MTMR3: variants seen among roughly 807,000 people sequenced by gnomAD.
The protein encoded by MTMR3 is myotubularin related protein 3.
MTMR3 carries 32 observed loss-of-function variants against 132.4 expected under a neutral mutation model. That is an observed-to-expected ratio of 0.24 (90% CI 0.18 to 0.32). The LOEUF (loss-of-function observed/expected upper bound fraction) is 0.32. Among genes scored for constraint, MTMR3 ranks in the 10% least tolerant of loss-of-function variants. MTMR3 has a pLI of 1.00. For synonymous variants in MTMR3, 556 were observed against 550.3 expected, an observed-to-expected ratio of 1.01 and a Z score of -0.14; for missense variants, 1,216 against 1,489.6, an observed-to-expected ratio of 0.82 and a Z score of 3.02.
At chr22:30,010,200 C>T (rs568109866) in intron 12 of MTMR3, 1 of 152,152 alleles carries the variant, frequency 6.6e-6, no homozygotes, top group Admixed American at 6.5e-5. Flanking sequence ...CCCAGGAGAT[C>T]GGCCGCGAAC....
intron 1 of MTMR3, among the ~76,000 whole-genome samples, chr22:29,889,318 C>G (rs1284150272): frequency 7.4e-6 from 1 of 135,594 alleles, no homozygotes; most frequent in Non-Finnish European, 1.5e-5. Flanking sequence ...GATGGCGTCT[C>G]GCTCTGTCAC....
rs541191713 is a variant in MTMR3, at chr22:29,922,878, C to T, written c.-137-34158C>T. On this transcript the variant is annotated intron_variant, in intron 1 of 19. Transcript: ENST00000401950. The stretch of plus-strand genomic sequence containing the variant: ...AATTGTAGTTTTGACTCACATTTCC[C>T]TAGTGACTAGTGTTTTTTTTTTTTT... 3.1e-4 allele frequency among the ~76,000 whole-genome samples: 47 copies of T among 150,834 alleles called. 1 individual carries two copies. The South Asian group carries it at 8.5e-3, about 27-fold the overall frequency.
intron 3 of MTMR3, 22 bp downstream of exon 3, chr22:29,971,084 TA>T (rs545862845): frequency 0.015 from 17,182 of 1,157,800 alleles, 51 homozygotes; most frequent in South Asian, 0.055. Context: ...GAAATAAGAG[TA>T]AAAAAAAAAA....
chr22:30,008,544 C>T lies in MTMR3; in HGVS notation c.1010-474C>T, dbSNP rs2067327263. On this transcript the variant is annotated intron_variant, in intron 11 of 19. Transcript: ENST00000401950. The stretch of plus-strand genomic sequence containing the variant: ...ATGCTAGCTTTCCCCAAGGAGGGAC[C>T]CCCCTCAGTGCCTATGGCACAGGCA... 3.1e-5 allele frequency: 5 copies of T among 161,144 alleles called. No homozygotes were observed. The South Asian group carries it at 8.7e-4, about 28-fold the overall frequency. 10.0% of individuals were successfully genotyped at this position (161,144 alleles called of 1,614,324 possible).
intron 3 of MTMR3, 151 bp from the exon 4 acceptor site, chr22:29,978,289 CTT>C: frequency 1.9e-6 from 1 of 515,044 alleles, no homozygotes; most frequent in East Asian, 3.2e-5. Context: ...GATAGAAAAA[CTT>C]TTTAAGATCA....
chr22:30,012,723 T>C (rs979449763), intron 13 of MTMR3, 160 bp downstream of exon 13: 9 of 683,880 alleles, frequency 1.3e-5, no homozygotes. Flanking sequence ...TGGTGGTTCC[T>C]CCCACAGTTC....
rs753447317 is a variant in MTMR3 at position 30,020,134 on chromosome 22, A to G, written c.2475A>G (p.Ser825=). Residue 825 remains serine (S), a synonymous_variant, in exon 17 of 20, where the codon TCA becomes TCG. Coordinates refer to ENST00000401950, the MANE Select transcript of MTMR3 (RefSeq NM_021090.4). ...AAGTTGGCTATGGTACCTCACAGTCATGTTCTCTGCTACCTTCCCAAGTCC... is the reference window on the plus strand; with the variant it reads ...AAGTTGGCTATGGTACCTCACAGTCGTGTTCTCTGCTACCTTCCCAAGTCC... The part of the protein sequence containing the change: ...DAKVGYGTSQ[S]CSLLPSQVPF... The G allele has an allele frequency of 1.9e-6, 3 of 1,614,128 alleles. No individual in the cohort carries two copies. The highest frequency in any genetic ancestry group is 1.1e-5 in the South Asian group (1 of 91,094).
chr22:30,012,300 A>G (rs1440332484), intron 12 of MTMR3, 68 bp from the exon 13 acceptor site: 2 of 1,504,684 alleles, frequency 1.3e-6, no homozygotes, highest in Admixed American at 2.1e-5. Flanking sequence ...TTCATTTGAC[A>G]ATCATTGAGC....
At chr22:29,918,270 C>T (rs764135369) in intron 1 of MTMR3, among the ~76,000 whole-genome samples, 3 of 152,170 alleles carry the variant, frequency 2.0e-5, no homozygotes, top group Admixed American at 6.5e-5. Context: ...ACTAATATTC[C>T]AGTGTATGCC....
At chr22:29,925,736 C>T (rs539930160) in intron 1 of MTMR3, among the ~76,000 whole-genome samples, 33 of 151,840 alleles carry the variant, frequency 2.2e-4, no homozygotes, top group Admixed American at 6.6e-4. Context: ...GCCAACAAGA[C>T]GAACCCGTCT....
intron 3 of MTMR3, among the ~76,000 whole-genome samples, chr22:29,976,030 T>A (rs945050153): frequency 1.3e-5 from 2 of 152,308 alleles, no homozygotes; most frequent in Middle Eastern, 6.8e-3. Context: ...TATCCACATA[T>A]GATTTTGTAA....
intron 2 of MTMR3, among the ~76,000 whole-genome samples, chr22:29,967,921 G>GTA (rs1437483032): frequency 7.9e-6 from 1 of 125,794 alleles, no homozygotes; most frequent in Non-Finnish European, 1.8e-5. Flanking sequence ...TATATACTGT[G>GTA]TGTGTGTGTG....
chr22:29,895,140 G>A (rs2064869761), intron 1 of MTMR3, among the ~76,000 whole-genome samples: 1 of 152,132 alleles, frequency 6.6e-6, no homozygotes, highest in African/African-American at 2.4e-5. Flanking sequence ...CCTGGGAGGT[G>A]GAGGTTGCAG....
intron 1 of MTMR3, among the ~76,000 whole-genome samples, chr22:29,949,551 A>C (rs73398629): frequency 0.031 from 4,562 of 148,784 alleles, 257 homozygotes; most frequent in African/African-American, 0.11. Context: ...CCCACAAAAA[A>C]CACACACATT....
intron 1 of MTMR3, among the ~76,000 whole-genome samples, chr22:29,888,050 T>G (rs2064713106): frequency 6.6e-6 from 1 of 152,016 alleles, no homozygotes; most frequent in Non-Finnish European, 1.5e-5. Context: ...AGAATCTTGC[T>G]CTGTTTGCCC....
intron 1 of MTMR3, among the ~76,000 whole-genome samples, chr22:29,944,993 A>G (rs1421203200): frequency 6.6e-6 from 1 of 152,190 alleles, no homozygotes; most frequent in Non-Finnish European, 1.5e-5. Flanking sequence ...CAATATCCAC[A>G]TTTTATTTCT....
chr22:30,006,723 A>G (rs1490101163), intron 9 of MTMR3: 1 of 181,256 alleles, frequency 5.5e-6, no homozygotes, highest in African/African-American at 2.4e-5. Context: ...ATGCCTGGCT[A>G]ATTTGTAAAA....
chr22:30,007,839 A>C, intron 10 of MTMR3, 62 bp from the exon 11 acceptor site: 1 of 1,587,230 alleles, frequency 6.3e-7, no homozygotes, highest in South Asian at 1.1e-5. Context: ...TGTGGGTCTA[A>C]TTCTGCACAG....
chr22:29,988,744 AT>A, intron 6 of MTMR3, 182 bp downstream of exon 6: 7 of 356,356 alleles, frequency 2.0e-5, no homozygotes, highest in Non-Finnish European at 3.5e-5. Context: ...ATGTTGAAAG[AT>A]GTTTTTTTTT....
Sources: allele counts gnomAD v4.1 joint callset (sites outside exome capture counted in the v4.1 genomes callset), GRCh38; gene constraint gnomAD v4.1.1; transcripts MANE v1.5; gene names NCBI Gene and HGNC (gene_info 2026-07-23, HGNC 2026-07-21).